Variants in UGT1A9 observed in about 807,000 individuals in gnomAD.
UGT1A9 encodes UDP-glucuronosyltransferase 1A9.
In UGT1A9, 35 loss-of-function variants were observed where a neutral mutation model predicts 45.0. The observed-to-expected ratio is 0.78, with a 90% CI of 0.59 to 1.03. The LOEUF is 1.03. Ranked by LOEUF, UGT1A9 falls within the 50% of genes least tolerant of loss-of-function variation. UGT1A9 has a pLI of 0.00. For missense variants in UGT1A9, 687 were observed against 666.6 expected (o/e 1.03, Z -0.34); for synonymous variants, 278 against 250.6 (o/e 1.11, Z -1.03).
chr2:233,737,725 T>A (rs936117182), intron 1 of UGT1A9, among the ~76,000 whole-genome samples: 1 of 152,150 alleles, frequency 6.6e-6, no homozygotes, highest in African/African-American at 2.4e-5. Context: ...CACCTCCTTT[T>A]TTTTTCCTTT....
intron 1 of UGT1A9, among the ~76,000 whole-genome samples, chr2:233,686,527 A>T (rs1171865612): frequency 2.0e-5 from 3 of 152,114 alleles, no homozygotes; most frequent in Non-Finnish European, 2.9e-5. Flanking sequence ...CCTGCGTTAG[A>T]ACCTAACCTT....
At chr2:233,745,561 A>G (rs1490728592) in intron 1 of UGT1A9, among the ~76,000 whole-genome samples, 1 of 151,724 alleles carries the variant, frequency 6.6e-6, no homozygotes, top group Admixed American at 6.6e-5. Context: ...CTAAGTTTAT[A>G]TAGCCTCTAG....
intron 1 of UGT1A9, among the ~76,000 whole-genome samples, chr2:233,674,607 A>C (rs1212988106): frequency 6.6e-6 from 1 of 151,964 alleles, no homozygotes; most frequent in African/African-American, 2.4e-5. Context: ...AATATGAAAC[A>C]TCAAACTATA....
At chr2:233,738,971 TG>T (rs2125819893) in intron 1 of UGT1A9, 1 of 152,378 alleles carries the variant, frequency 6.6e-6, no homozygotes, top group Admixed American at 6.5e-5. Context: ...CCCCCACTGC[TG>T]TGTGCAGCCT....
At chr2:233,756,950 A>C (rs1419831234) in intron 1 of UGT1A9, among the ~76,000 whole-genome samples, 3 of 152,034 alleles carry the variant, frequency 2.0e-5, no homozygotes, top group Admixed American at 2.0e-4. Flanking sequence ...TGAAACCCGG[A>C]CTTGGCACTT....
At chr2:233,729,773 AC>A (rs1344776353) in intron 1 of UGT1A9, 1 of 1,613,832 alleles carries the variant, frequency 6.2e-7, no homozygotes, top group African/African-American at 1.3e-5. Context: ...AACATGCTCT[AC>A]CCTCTGGCCC....
At chr2:233,728,731 TG>T (rs1354171084) in intron 1 of UGT1A9, among the ~76,000 whole-genome samples, 1 of 152,164 alleles carries the variant, frequency 6.6e-6, no homozygotes, top group Non-Finnish European at 1.5e-5. Flanking sequence ...AGCATATGAC[TG>T]GGGGCTAGGG....
intron 1 of UGT1A9, among the ~76,000 whole-genome samples, chr2:233,739,350 G>A (rs1691066306): frequency 6.6e-6 from 1 of 152,146 alleles, no homozygotes; most frequent in South Asian, 2.1e-4. Flanking sequence ...ACCCAGAAGG[G>A]CAGATCCAAT....
chr2:233,728,156 C>T (rs2077686156), intron 1 of UGT1A9, among the ~76,000 whole-genome samples: 1 of 152,250 alleles, frequency 6.6e-6, no homozygotes, highest in Non-Finnish European at 1.5e-5. Context: ...GCAGCCCATT[C>T]TGTTCTGGAG....
intron 1 of UGT1A9, among the ~76,000 whole-genome samples, chr2:233,683,754 T>C (rs955465237): frequency 2.6e-5 from 4 of 152,212 alleles, no homozygotes; most frequent in African/African-American, 9.6e-5. Context: ...GAATTCACTA[T>C]GCATAATTAA....
intron 1 of UGT1A9, among the ~76,000 whole-genome samples, chr2:233,756,874 G>A (rs1221596581): frequency 3.9e-5 from 6 of 152,098 alleles, no homozygotes; most frequent in Non-Finnish European, 7.3e-5. Context: ...GGTATTAGGT[G>A]TAATGAGGAT....
chr2:233,743,673 G>A, intron 1 of UGT1A9: 1 of 1,367,190 alleles, frequency 7.3e-7, no homozygotes, highest in South Asian at 1.1e-5. Flanking sequence ...TCCTCGAAGG[G>A]CCTGCCGCCT....
chr2:233,741,695 G>A (rs565346181), intron 1 of UGT1A9: 1 of 152,016 alleles, frequency 6.6e-6, no homozygotes, highest in East Asian at 1.9e-4. Flanking sequence ...ATTACATGCA[G>A]AGTGGACTCT....
At chr2:233,712,755 G>C (rs28898599) in intron 1 of UGT1A9, among the ~76,000 whole-genome samples, 48 of 152,176 alleles carry the variant, frequency 3.2e-4, no homozygotes, top group Admixed American at 2.4e-3. Flanking sequence ...TCCCCAGAGC[G>C]AGCGCAAGGT....
intron 1 of UGT1A9, among the ~76,000 whole-genome samples, chr2:233,725,404 A>G (rs1338986441): frequency 1.3e-5 from 2 of 151,736 alleles, no homozygotes; most frequent in African/African-American, 4.9e-5. Flanking sequence ...TTGATGGTCT[A>G]ATACAGAATT....
At chr2:233,737,978 G>C (rs1166842032) in intron 1 of UGT1A9, among the ~76,000 whole-genome samples, 1 of 152,014 alleles carries the variant, frequency 6.6e-6, no homozygotes, top group East Asian at 1.9e-4. Context: ...ATTTAATATG[G>C]TTTGGCTCTG....
At position 233,743,458 on chromosome 2, in the gene UGT1A9, A is replaced by C. The variant is rs61736688; in HGVS notation, c.856-23576A>C. On this transcript the variant is annotated intron_variant, in intron 1 of 4. Transcript: ENST00000354728. ...AAATCCTGTATCAAAAGAAGAAAAA[A>C]CACCCCCAAAAGCTGGAAATTCACT... 785 of 1,366,068 alleles carry C rather than the reference A, an allele frequency of 5.7e-4. 6 individuals are homozygous for C. In the Admixed American group the frequency reaches 0.012, roughly 22 times the overall value. 84.6% of individuals were successfully genotyped at this position (1,366,068 alleles called of 1,614,324 possible).
chr2:233,751,126 G>C (rs1694648439), intron 1 of UGT1A9, among the ~76,000 whole-genome samples: 1 of 151,986 alleles, frequency 6.6e-6, no homozygotes, highest in East Asian at 1.9e-4. Flanking sequence ...TGTCCAAGTT[G>C]CCTGAGACTG....
At position 233,772,492 on chromosome 2, in the gene UGT1A9, A is replaced by G; in HGVS notation, c.1526A>G (p.Tyr509Cys). Reference sequence around the variant, plus strand: ...TTCATCACCTTTAAATGTTGTGCTTATGGCTACCGGAAATGCTTGGGGAAA... The same window carrying G: ...TTCATCACCTTTAAATGTTGTGCTTGTGGCTACCGGAAATGCTTGGGGAAA... ...VAFITFKCCA[Y>C]GYRKCLGKKG... Residue 509 changes from tyrosine (Y) to cysteine (C), a missense_variant, in exon 5 of 5, where the codon TAT (tyrosine) becomes TGT (cysteine). Coordinates refer to ENST00000354728, the MANE Select transcript of UGT1A9 (RefSeq NM_021027.3). 6.2e-7 allele frequency: 1 copy of G among 1,614,134 alleles called. No individual in the cohort carries two copies. The highest frequency in any genetic ancestry group is 1.1e-5 in the South Asian group (1 of 91,080).
Sources: gnomAD v4.1 joint callset for allele counts (sites outside exome capture counted in the v4.1 genomes callset) on GRCh38, gnomAD v4.1.1 for gene constraint, MANE v1.5 for transcripts, NCBI Gene and HGNC (gene_info 2026-07-23, HGNC 2026-07-21) for gene names.